Variants in PCDH9 observed in about 807,000 individuals in gnomAD.
PCDH9 encodes the protein protocadherin 9.
In PCDH9, 24 loss-of-function variants were observed where a neutral mutation model predicts 70.6. That is an observed-to-expected ratio of 0.34 (90% CI 0.25 to 0.48). The LOEUF is 0.48. Ranked by LOEUF, PCDH9 falls within the 20% of genes least tolerant of loss-of-function variation. PCDH9 has a pLI of 0.99. For missense variants in PCDH9, 1,281 were observed against 1,503.6 expected, an observed-to-expected ratio of 0.85 and a Z score of 2.45; for synonymous variants, 562 against 558.5, an observed-to-expected ratio of 1.01 and a Z score of -0.09.
intron 2 of PCDH9, among the ~76,000 whole-genome samples, chr13:67,035,455 T>G (rs2084991160): frequency 1.3e-5 from 2 of 152,098 alleles, no homozygotes; most frequent in Middle Eastern, 3.4e-3. Context: ...CTTACAGCTG[T>G]TCATCATAAC....
intron 2 of PCDH9, among the ~76,000 whole-genome samples, chr13:67,118,073 T>C (rs2086811490): frequency 6.6e-6 from 1 of 152,174 alleles, no homozygotes; most frequent in African/African-American, 2.4e-5. Flanking sequence ...CTTGCAGTTA[T>C]GAGTTCATGT....
At chr13:66,751,521 A>T (rs2079459035) in intron 3 of PCDH9, among the ~76,000 whole-genome samples, 1 of 152,192 alleles carries the variant, frequency 6.6e-6, no homozygotes, top group Non-Finnish European at 1.5e-5. Context: ...CATGTACCCA[A>T]AACATATAAT....
At position 67,059,885 on chromosome 13, in the gene PCDH9, G is replaced by GGT. The variant is rs148485548; in HGVS notation, c.3037-156281_3037-156280insAC. Among the ~76,000 whole-genome samples the GGT allele has an allele frequency of 2.8e-5, 4 of 143,424 alleles. No individual in the cohort carries two copies. In the East Asian group the frequency reaches 6.1e-4, roughly 22 times the overall value. The allele number at this position is 143,424 out of a possible 152,430, so 94.1% of individuals were successfully genotyped here. On this transcript the variant is annotated intron_variant, in intron 2 of 4. Coordinates refer to ENST00000377865, the MANE Select transcript of PCDH9 (RefSeq NM_203487.3). ...TGTTGTTTGTTTTTTGTTTTTTGTT[G>GGT]TTTTTTTTTTTTCTGCATGACAGCC...
At chr13:66,693,937 A>G (rs2078522882) in intron 3 of PCDH9, among the ~76,000 whole-genome samples, 1 of 152,206 alleles carries the variant, frequency 6.6e-6, no homozygotes, top group Non-Finnish European at 1.5e-5. Context: ...TCTCACAACT[A>G]TAAGGTTGAA....
intron 2 of PCDH9, among the ~76,000 whole-genome samples, chr13:67,015,518 C>A (rs1192280321): frequency 6.6e-6 from 1 of 152,086 alleles, no homozygotes; most frequent in African/African-American, 2.4e-5. Context: ...GATAAATCAT[C>A]TTTATCATTT....
chr13:66,469,833 T>C (rs1958583409), intron 4 of PCDH9, among the ~76,000 whole-genome samples: 1 of 152,166 alleles, frequency 6.6e-6, no homozygotes, highest in African/African-American at 2.4e-5. Context: ...CATTCCCTTT[T>C]TTATCCTTCT....
chr13:66,338,841 C>G (rs1013547258), intron 4 of PCDH9, among the ~76,000 whole-genome samples: 2 of 151,558 alleles, frequency 1.3e-5, no homozygotes, highest in African/African-American at 4.8e-5. Context: ...TTTTAGGCTT[C>G]CATTGCTTCT....
intron 4 of PCDH9, among the ~76,000 whole-genome samples, chr13:66,445,565 CGT>C (rs1593991760): frequency 7.3e-6 from 1 of 137,258 alleles, no homozygotes; most frequent in Admixed American, 7.6e-5. Context: ...ATAATATATA[CGT>C]GTATATATTA....
chr13:67,029,857 T>C (rs2084868863), intron 2 of PCDH9, among the ~76,000 whole-genome samples: 1 of 152,200 alleles, frequency 6.6e-6, no homozygotes, highest in South Asian at 2.1e-4. Context: ...TTCAATTTAA[T>C]AAGTATTTTT....
At chr13:66,736,239 T>C (rs2079146757) in intron 3 of PCDH9, among the ~76,000 whole-genome samples, 1 of 152,162 alleles carries the variant, frequency 6.6e-6, no homozygotes, top group Non-Finnish European at 1.5e-5. Flanking sequence ...ATAGCTCAGC[T>C]GTGACTATTT....
At position 67,226,376 on chromosome 13, in the gene PCDH9, G is replaced by A. The variant is rs754561903; in HGVS notation, c.2065C>T (p.Leu689Phe). ...ACCACGGAGCCAGGAATGGCTGAGA[G>A]GGGCACCAACTTAAAGGAAGTATTA... ...PSNTSFKLVPLSAIPGSVVAE... is the reference protein window; with the variant it reads ...PSNTSFKLVPFSAIPGSVVAE... The change falls in exon 2 of 5, where the codon CTC becomes TTC. Residue 689 changes from leucine (L) to phenylalanine (F), a missense_variant. Physicochemically the swap from Leu to Phe is conservative, Grantham distance 22 (BLOSUM62 0). Transcript: ENST00000377865. This position sits in a 1 kb window ranked among gnomAD's most constrained non-coding sequence, Gnocchi z 5.0. 1.2e-6 allele frequency: 2 copies of A among 1,614,178 alleles called. No homozygotes were observed. The highest frequency in any genetic ancestry group is 1.1e-5 in the South Asian group (1 of 91,084).
At chr13:66,640,723 G>A (rs949448571) in intron 3 of PCDH9, among the ~76,000 whole-genome samples, 3 of 152,114 alleles carry the variant, frequency 2.0e-5, no homozygotes, top group South Asian at 2.1e-4. Flanking sequence ...AAGTGATCTC[G>A]GCAGAAAGTC....
rs71205585 is a variant in PCDH9, at chr13:66,395,599, A to AAAATAAAT, written c.3341-90579_3341-90572dup. Among the ~76,000 whole-genome samples, 1,375 of 150,902 alleles carry AAAATAAAT rather than the reference A, an allele frequency of 9.1e-3. 13 individuals are homozygous for AAAATAAAT. The highest frequency in any genetic ancestry group is 0.03 in the African/African-American group (1,216 of 40,968). ...TGGTAACATAGTAAGACTCTGTCTC[A>AAAATAAAT]AAATAAATAAATAAATAAATAAATA... On this transcript the variant is annotated intron_variant, in intron 4 of 4. Coordinates refer to ENST00000377865, the MANE Select transcript of PCDH9 (RefSeq NM_203487.3).
chr13:67,230,139 C>G lies in PCDH9; in HGVS notation c.-495G>C, dbSNP rs896437224. On this transcript the variant is annotated 5_prime_UTR_variant, in exon 1 of 5. Transcript: ENST00000377865. Reference sequence around the variant, plus strand: ...ATGCCAATACTGCTTAAGTCTCTAACTTCTTGTAGGAAACGTCAGAGTTGC... The same window carrying G: ...ATGCCAATACTGCTTAAGTCTCTAAGTTCTTGTAGGAAACGTCAGAGTTGC... 1 of 152,204 alleles carries G rather than the reference C, an allele frequency of 6.6e-6. No individual in the cohort carries two copies. The allele number at this position is 152,204 out of a possible 1,614,324, so 9.4% of individuals were successfully genotyped here.
intron 4 of PCDH9, among the ~76,000 whole-genome samples, chr13:66,325,876 T>C (rs1955833644): frequency 6.6e-6 from 1 of 152,204 alleles, no homozygotes; most frequent in South Asian, 2.1e-4. Context: ...CTGAATTAAA[T>C]AGCTTTGAAG....
chr13:67,076,075 C>A (rs184412997), intron 2 of PCDH9, among the ~76,000 whole-genome samples: 20 of 152,172 alleles, frequency 1.3e-4, no homozygotes, highest in East Asian at 9.6e-4. Context: ...TAACATCGAA[C>A]CTTTCAACCA....
chr13:66,801,432 A>C lies in PCDH9; in HGVS notation c.3138+102072T>G, dbSNP rs2080325041. Among the ~76,000 whole-genome samples, 3 of 152,124 alleles carry C rather than the reference A, an allele frequency of 2.0e-5. No homozygotes were observed. The South Asian group carries it at 6.2e-4, about 31-fold the overall frequency. On this transcript the variant is annotated intron_variant, in intron 3 of 4. Transcript: ENST00000377865. Reference sequence around the variant, plus strand: ...GATTAATAAAATTACACTTACTGATATTTGCCCTGTAACAAATTTCCATCT... The same window carrying C: ...GATTAATAAAATTACACTTACTGATCTTTGCCCTGTAACAAATTTCCATCT...
chr13:66,444,348 C>T (rs961205810), intron 4 of PCDH9, among the ~76,000 whole-genome samples: 1 of 152,096 alleles, frequency 6.6e-6, no homozygotes, highest in African/African-American at 2.4e-5. Context: ...TGTAAGACAT[C>T]ATTAGAATTA....
At chr13:67,004,245 A>C (rs1329852679) in intron 2 of PCDH9, among the ~76,000 whole-genome samples, 1 of 152,036 alleles carries the variant, frequency 6.6e-6, no homozygotes, top group Non-Finnish European at 1.5e-5. Flanking sequence ...AAATATTCCC[A>C]CAAAATATTG....
Sources: gnomAD v4.1 joint callset for allele counts (sites outside exome capture counted in the v4.1 genomes callset) on GRCh38, gnomAD v4.1.1 for gene constraint, Gnocchi (gnomAD v3.1) non-coding constraint, MANE v1.5 for transcripts, NCBI Gene and HGNC (gene_info 2026-07-23, HGNC 2026-07-21) for gene names.